ATRNL1: variants seen among roughly 807,000 people sequenced by gnomAD.
ATRNL1 encodes the protein attractin-like protein 1.
ATRNL1 carries 95 observed loss-of-function variants against 182.7 expected under a neutral mutation model. The ratio of observed to expected loss-of-function variants is 0.52; its 90% CI spans 0.44 to 0.62. The LOEUF (loss-of-function observed/expected upper bound fraction) is 0.62. Among genes scored for constraint, ATRNL1 ranks in the 20% least tolerant of loss-of-function variants. The probability of loss-of-function intolerance (pLI) is 0.00; values close to 1 mark genes in which losing one functional copy is unlikely to be tolerated. For synonymous variants in ATRNL1, 576 were observed against 568.3 expected (o/e 1.01, Z -0.19); for missense variants, 1,471 against 1,679.5 (o/e 0.88, Z 2.17).
chr10:115,280,854 G>A (rs536625838), intron 13 of ATRNL1, among the ~76,000 whole-genome samples: 2 of 152,310 alleles, frequency 1.3e-5, no homozygotes, highest in Non-Finnish European at 2.9e-5. Context: ...AATACATGAG[G>A]TTCTATTATT....
At chr10:115,446,117 A>AT (rs1175672478) in intron 21 of ATRNL1, among the ~76,000 whole-genome samples, 1 of 151,884 alleles carries the variant, frequency 6.6e-6, no homozygotes. Flanking sequence ...TCATCAACAG[A>AT]TTTTTTTCTT....
intron 26 of ATRNL1, among the ~76,000 whole-genome samples, chr10:115,717,834 G>A (rs767588844): frequency 3.3e-5 from 5 of 152,136 alleles, no homozygotes; most frequent in South Asian, 2.1e-4. Flanking sequence ...GATTACAGGC[G>A]TGAGCCACCT....
Position 115,093,725 on chromosome 10 carries a change from C to A in ATRNL1, c.-26C>A, listed in dbSNP as rs1359731125. 2 of 1,415,640 alleles carry A rather than the reference C, an allele frequency of 1.4e-6. No homozygotes were observed. The highest frequency in any genetic ancestry group is 3.0e-5 in the Admixed American group (1 of 33,566). 87.7% of individuals were successfully genotyped at this position (1,415,640 alleles called of 1,614,324 possible). A position where few individuals can be genotyped will look rare whatever the true frequency, so the allele number is the denominator to read the frequency against. On this transcript the variant is annotated 5_prime_UTR_variant, in exon 1 of 29. Coordinates refer to ENST00000355044, the MANE Select transcript of ATRNL1 (RefSeq NM_207303.4). The surrounding 1 kb of genome is among the most constrained non-coding windows in gnomAD (Gnocchi z 6.1). ...CCCTGTCGGCGCCCGCGAGCGCAGT[C>A]TCGCCGGGCAGGGGCGCCGGGGAAG...
chr10:115,752,450 C>T (rs1555070853), intron 27 of ATRNL1, among the ~76,000 whole-genome samples: 1 of 151,952 alleles, frequency 6.6e-6, no homozygotes, highest in Non-Finnish European at 1.5e-5. Context: ...TCAAAAACTC[C>T]TACCTTCATA....
At chr10:115,251,257 C>A (rs1850864681) in intron 10 of ATRNL1, among the ~76,000 whole-genome samples, 1 of 152,152 alleles carries the variant, frequency 6.6e-6, no homozygotes, top group Non-Finnish European at 1.5e-5. Flanking sequence ...ATTGCTTCTA[C>A]CCACTCTCTC....
chr10:115,274,471 A>G (rs1592363935), intron 13 of ATRNL1, among the ~76,000 whole-genome samples: 1 of 152,294 alleles, frequency 6.6e-6, no homozygotes, highest in African/African-American at 2.4e-5. Flanking sequence ...CTAGACCCCT[A>G]GAGATTTCAG....
chr10:115,764,013 T>C (rs143736924), intron 27 of ATRNL1, among the ~76,000 whole-genome samples: 3 of 152,338 alleles, frequency 2.0e-5, no homozygotes, highest in East Asian at 1.9e-4. Flanking sequence ...GTTTTCGGGA[T>C]TTTTGTGTTT....
intron 25 of ATRNL1, among the ~76,000 whole-genome samples, chr10:115,532,210 T>A (rs1180254351): frequency 6.6e-6 from 1 of 152,210 alleles, no homozygotes; most frequent in Non-Finnish European, 1.5e-5. Flanking sequence ...ATCTATAACT[T>A]ACCTTGGGCA....
At chr10:115,404,089 C>T (rs1309561141) in intron 20 of ATRNL1, among the ~76,000 whole-genome samples, 1 of 152,134 alleles carries the variant, frequency 6.6e-6, no homozygotes, top group Non-Finnish European at 1.5e-5. Flanking sequence ...ATATAACTTC[C>T]TATGTCAGGT....
At chr10:115,185,772 A>G (rs78386644) in intron 8 of ATRNL1, among the ~76,000 whole-genome samples, 5,508 of 152,162 alleles carry the variant, frequency 0.036, 128 homozygotes, top group Non-Finnish European at 0.052. Context: ...GAAAAATCGT[A>G]ACTACATAGT....
At chr10:115,617,751 G>T (rs1857514454) in intron 26 of ATRNL1, among the ~76,000 whole-genome samples, 1 of 152,188 alleles carries the variant, frequency 6.6e-6, no homozygotes, top group East Asian at 1.9e-4. Context: ...GTTAGTGCTG[G>T]AATGAGTTAA....
chr10:115,454,075 A>G (rs2134498182), intron 21 of ATRNL1, among the ~76,000 whole-genome samples: 1 of 151,926 alleles, frequency 6.6e-6, no homozygotes, highest in East Asian at 1.9e-4. Context: ...CTTTGAATTG[A>G]TTTCTGTGTA....
intron 27 of ATRNL1, among the ~76,000 whole-genome samples, chr10:115,741,165 C>T (rs555339630): frequency 4.1e-4 from 63 of 151,936 alleles, no homozygotes; most frequent in Admixed American, 3.3e-4. Context: ...GAGATATGTG[C>T]GTGTAAAAAT....
rs535569401 is a variant in ATRNL1, at chr10:115,799,646, C to T, written c.3904-48231C>T. Among the ~76,000 whole-genome samples the T allele has an allele frequency of 1.6e-3, 248 of 152,304 alleles. 11 individuals carry two copies. In the South Asian group the frequency reaches 0.049, roughly 30 times the overall value. ...GTCACCACTAGGTGGTGCCGAACTTCAGCCCAGGGTAGGTGAAATTTGCAT... is the reference window on the plus strand; with the variant it reads ...GTCACCACTAGGTGGTGCCGAACTTTAGCCCAGGGTAGGTGAAATTTGCAT... On this transcript the variant is annotated intron_variant, in intron 27 of 28. Transcript: ENST00000355044.
intron 26 of ATRNL1, among the ~76,000 whole-genome samples, chr10:115,551,855 T>G (rs1225140970): frequency 6.6e-6 from 1 of 151,394 alleles, no homozygotes; most frequent in African/African-American, 2.4e-5. Flanking sequence ...ACAATTGCAG[T>G]CCAAAACTAT....
At chr10:115,677,290 T>A (rs1190711568) in intron 26 of ATRNL1, among the ~76,000 whole-genome samples, 1 of 152,098 alleles carries the variant, frequency 6.6e-6, no homozygotes, top group Admixed American at 6.6e-5. Context: ...AGCTTTATTT[T>A]GCTAACACTT....
At chr10:115,267,780 A>T (rs1201141918) in intron 12 of ATRNL1, among the ~76,000 whole-genome samples, 1 of 151,906 alleles carries the variant, frequency 6.6e-6, no homozygotes, top group Non-Finnish European at 1.5e-5. Context: ...TATTTATTTT[A>T]GTTTATTTTT....
At chr10:115,407,875 C>G (rs1035304184) in intron 20 of ATRNL1, among the ~76,000 whole-genome samples, 4 of 151,766 alleles carry the variant, frequency 2.6e-5, no homozygotes, top group African/African-American at 9.7e-5. Context: ...TCCTTTTTAC[C>G]ACATCCCCAC....
chr10:115,836,753 T>C (rs987488719), intron 27 of ATRNL1, among the ~76,000 whole-genome samples: 11 of 152,222 alleles, frequency 7.2e-5, no homozygotes, highest in Non-Finnish European at 1.6e-4. Context: ...GGTCACATTC[T>C]GAGGTTCTGG....
Sources: gnomAD v4.1 joint callset for allele counts (sites outside exome capture counted in the v4.1 genomes callset) on GRCh38, gnomAD v4.1.1 for gene constraint, Gnocchi (gnomAD v3.1) non-coding constraint, MANE v1.5 for transcripts, NCBI Gene and HGNC (gene_info 2026-07-23, HGNC 2026-07-21) for gene names.